IGF2: variants seen among roughly 807,000 people sequenced by gnomAD.
The protein encoded by IGF2 is insulin like growth factor 2.
Under a neutral mutation model 12.0 loss-of-function variants are expected in IGF2, and 2 were observed. The ratio of observed to expected loss-of-function variants is 0.17; its 90% CI spans 0.07 to 0.52. The LOEUF (loss-of-function observed/expected upper bound fraction) is 0.52, where lower values mean the gene tolerates loss of function less well. Among genes scored for constraint, IGF2 ranks in the 20% least tolerant of loss-of-function variants. IGF2 has a pLI of 0.95. For synonymous variants in IGF2, 105 were observed against 110.1 expected (o/e 0.95, Z 0.29); for missense variants, 211 against 268.0 (o/e 0.79, Z 1.48).
At chr11:2,147,578 C>T in the IGF2 span, 1 of 1,220,554 alleles carries the variant, frequency 8.2e-7, no homozygotes. The surrounding 1 kb of genome is among the most constrained non-coding windows in gnomAD (Gnocchi z 7.2). Context: ...CTCTGCCTCG[C>T]AGTTGGGGCT....
the IGF2 span, chr11:2,149,180 A>T: frequency 1.9e-6 from 3 of 1,613,424 alleles, no homozygotes; most frequent in East Asian, 2.2e-5. Flanking sequence ...GATAAAGAGG[A>T]CCGGGGAGTC....
chr11:2,142,627 C>A (rs576443409), upstream of IGF2, among the ~76,000 whole-genome samples: 1 of 152,260 alleles, frequency 6.6e-6, no homozygotes, highest in East Asian at 1.9e-4. This position sits in a 1 kb window ranked among gnomAD's most constrained non-coding sequence, Gnocchi z 5.7. Context: ...CCAGTGTGAT[C>A]CTGGCCGTTG....
Position 2,138,369 on chromosome 11 carries a change from C to CG in IGF2, c.-148dup, listed in dbSNP as rs1319392061. 11 of 683,532 alleles carry CG rather than the reference C, an allele frequency of 1.6e-5. No homozygotes were observed. Among genetic ancestry groups the CG allele is most frequent in the Non-Finnish European group, 1.7e-5 (10 of 602,896 alleles). The allele number at this position is 683,532 out of a possible 1,614,324, so 42.3% of individuals were successfully genotyped here. On this transcript the variant is annotated 5_prime_UTR_variant, in exon 1 of 4. Coordinates refer to ENST00000416167, the MANE Select transcript of IGF2 (RefSeq NM_000612.6). ...GGGCCGAATGTGCGACGGGGCAGAG[C>CG]GGGGGGATGGCTTTTTTTTGGGGGG...
chr11:2,146,886 G>T, the IGF2 span: 1 of 160,050 alleles, frequency 6.2e-6, no homozygotes, highest in East Asian at 1.8e-4. Context: ...TCTGGCTGAG[G>T]CAGAGGCCAC....
chr11:2,145,136 C>CT (rs1859838957), upstream of IGF2, among the ~76,000 whole-genome samples: 1 of 152,202 alleles, frequency 6.6e-6, no homozygotes, highest in Admixed American at 6.5e-5. Context: ...TGGCCCATCT[C>CT]TCCCCACCCA....
chr11:2,139,656 A>T (rs1195476312), upstream of IGF2, among the ~76,000 whole-genome samples: 2 of 149,948 alleles, frequency 1.3e-5, no homozygotes, highest in East Asian at 2.0e-4. Flanking sequence ...GCAGAGCGCC[A>T]AGGCCATGCT....
chr11:2,140,474 TCACTTCGCCCGCGCTCCGCGCGCGC>T, upstream of IGF2: 1 of 569,762 alleles, frequency 1.8e-6, no homozygotes, highest in Middle Eastern at 4.7e-4. Context: ...CCGCCATCAA[TCACTTCGCCCGCGCTCCGCGCGCGC>T]CTCCCGGCGG....
chr11:2,138,389 G>T lies in IGF2; in HGVS notation c.-167C>A, dbSNP rs1334350510. ...CAGAGCGGGGGGATGGCTTTTTTTT[G>T]GGGGGGGGGGGAGAATTCGTCTGAT... On this transcript the variant is annotated 5_prime_UTR_variant, in exon 1 of 4. Coordinates refer to ENST00000416167, the MANE Select transcript of IGF2 (RefSeq NM_000612.6). 345 of 240,608 alleles carry T rather than the reference G, an allele frequency of 1.4e-3. 2 individuals are homozygous for T. Among genetic ancestry groups the T allele is most frequent in the African/African-American group, 6.2e-3 (130 of 20,920 alleles). 14.9% of individuals were successfully genotyped at this position (240,608 alleles called of 1,614,324 possible).
At chr11:2,148,267 G>C in the IGF2 span, 4 of 157,274 alleles carry the variant, frequency 2.5e-5, no homozygotes, top group African/African-American at 9.6e-5. The surrounding 1 kb of genome is among the most constrained non-coding windows in gnomAD (Gnocchi z 4.3). Context: ...AGCTCTGCTT[G>C]ACGAGGCCAG....
At chr11:2,149,228 G>C in the IGF2 span, 1 of 1,613,446 alleles carries the variant, frequency 6.2e-7, no homozygotes, top group East Asian at 2.2e-5. Flanking sequence ...CTGCCTGGAC[G>C]ATGATCCGCC....
At chr11:2,140,247 A>G (rs761349268), upstream of IGF2, 9 of 1,613,120 alleles carry the variant, frequency 5.6e-6, no homozygotes, top group South Asian at 8.8e-5. Flanking sequence ...CATAGACGCG[A>G]GTTCGGTCTC....
At position 2,131,131 on chromosome 11, in the gene IGF2, C is replaced by T. The variant is rs1858516989; in HGVS notation, c.*1856G>A. The T allele has an allele frequency of 4.3e-6, 1 of 233,224 alleles. No homozygotes were observed. Among genetic ancestry groups the T allele is most frequent in the East Asian group, 6.0e-5 (1 of 16,558 alleles). 14.4% of individuals were successfully genotyped at this position (233,224 alleles called of 1,614,324 possible). ...GGGGACAGGCGCCAAGGAGGCCAGC[C>T]TCACAAGGGCATCTCTGTCATGGTG... On this transcript the variant is annotated 3_prime_UTR_variant, in exon 4 of 4. Transcript: ENST00000416167.
At chr11:2,135,062 G>C (rs1180194523) in intron 2 of IGF2, among the ~76,000 whole-genome samples, 1 of 152,232 alleles carries the variant, frequency 6.6e-6, no homozygotes, top group Non-Finnish European at 1.5e-5. Flanking sequence ...CGGTGCCTCA[G>C]GAGCAGGAGC....
chr11:2,147,788 C>T, the IGF2 span: 32 of 1,248,280 alleles, frequency 2.6e-5, no homozygotes, highest in Admixed American at 1.7e-4. The surrounding 1 kb of genome is among the most constrained non-coding windows in gnomAD (Gnocchi z 7.2). Context: ...CACACAAGCT[C>T]GGTGGTGACT....
At position 2,130,324 on chromosome 11, in the gene IGF2, TG is replaced by T; in HGVS notation, c.*2662del. On this transcript the variant is annotated 3_prime_UTR_variant, in exon 4 of 4. Transcript: ENST00000416167. ...TGTCCCCAGAAGCCAGGCCGGACAG[TG>T]GCCTTCTCCACTCCCCTCTGACTTC... 1 of 227,252 alleles carries T rather than the reference TG, an allele frequency of 4.4e-6. No homozygotes were observed. Among genetic ancestry groups the T allele is most frequent in the Non-Finnish European group, 8.7e-6 (1 of 114,488 alleles). 14.1% of individuals were successfully genotyped at this position (227,252 alleles called of 1,614,324 possible).
Position 2,131,905 on chromosome 11 carries a change from GTGTGTGTGCTGTGTGTGCA to G in IGF2, c.*1063_*1081del, listed in dbSNP as rs1187739836. 6 of 169,186 alleles carry G rather than the reference GTGTGTGTGCTGTGTGTGCA, an allele frequency of 3.5e-5. No homozygotes were observed. The highest frequency in any genetic ancestry group is 7.0e-5 in the Admixed American group (1 of 14,220). 10.5% of individuals were successfully genotyped at this position (169,186 alleles called of 1,614,324 possible). On this transcript the variant is annotated 3_prime_UTR_variant, in exon 4 of 4. Coordinates refer to ENST00000416167, the MANE Select transcript of IGF2 (RefSeq NM_000612.6). ...GTGCGTTTGTGTGTGCTGTGCGTTT[GTGTGTGTGCTGTGTGTGCA>G]TGTGTGTGCGTGTGTGTGCCGTGCG... is the stretch of plus-strand genomic sequence containing the variant.
At position 2,138,349 on chromosome 11, in the gene IGF2, G is replaced by C. The variant is rs1221515669; in HGVS notation, c.-127C>G. ...CCGCTCTGGCCGAGTCGCGGGGGCCGAATGTGCGACGGGGCAGAGCGGGGG... is the reference window on the plus strand; with the variant it reads ...CCGCTCTGGCCGAGTCGCGGGGGCCCAATGTGCGACGGGGCAGAGCGGGGG... On this transcript the variant is annotated 5_prime_UTR_variant, in exon 1 of 4. Transcript: ENST00000416167. 1 of 976,480 alleles carries C rather than the reference G, an allele frequency of 1.0e-6. No homozygotes were observed. Among genetic ancestry groups the C allele is most frequent in the Non-Finnish European group, 1.2e-6 (1 of 825,048 alleles). The allele number at this position is 976,480 out of a possible 1,614,324, so 60.5% of individuals were successfully genotyped here.
At chr11:2,146,301 A>T in the IGF2 span, 1 of 535,994 alleles carries the variant, frequency 1.9e-6, no homozygotes, top group African/African-American at 1.9e-5. Context: ...GCATTTTACA[A>T]ACCCAGCTCC....
Position 2,133,059 on chromosome 11 carries a change from G to C in IGF2, c.471C>G (p.Pro157=). 1 of 1,604,176 alleles carries C rather than the reference G, an allele frequency of 6.2e-7. No homozygotes were observed. Among genetic ancestry groups the C allele is most frequent in the South Asian group, 1.1e-5 (1 of 90,296 alleles). ...GGTCTTGGGTGGGTAGAGCAATCAG[G>C]GGACGGTGACGTTTGGCCTCCCTGA... is the stretch of plus-strand genomic sequence containing the variant. The part of the protein sequence containing the change: ...EAFREAKRHR[P]LIALPTQDPA... Residue 157 remains proline (P), a synonymous_variant, in exon 4 of 4, where the codon CCC becomes CCG. Coordinates refer to ENST00000416167, the MANE Select transcript of IGF2 (RefSeq NM_000612.6). This position sits in a 1 kb window ranked among gnomAD's most constrained non-coding sequence, Gnocchi z 8.9.
Sources: allele counts gnomAD v4.1 joint callset (sites outside exome capture counted in the v4.1 genomes callset), GRCh38; gene constraint gnomAD v4.1.1; non-coding constraint Gnocchi (gnomAD v3.1); transcripts MANE v1.5; gene names NCBI Gene and HGNC (gene_info 2026-07-23, HGNC 2026-07-21).